The following RGL1 variants were observed in gnomAD, a reference collection of about 807,000 sequenced individuals.
RGL1 encodes ral guanine nucleotide dissociation stimulator like 1, also known as ral guanine nucleotide dissociation stimulator-like 1.
A neutral mutation model predicts 95.2 loss-of-function variants in RGL1; 24 were observed. The ratio of observed to expected loss-of-function variants is 0.25; its 90% CI spans 0.18 to 0.35. The LOEUF is 0.35. Ranked by LOEUF, RGL1 falls within the 10% of genes least tolerant of loss-of-function variation. The probability of loss-of-function intolerance (pLI) is 1.00; values close to 1 mark genes in which losing one functional copy is unlikely to be tolerated. For missense variants in RGL1, 715 were observed against 936.3 expected (o/e 0.76, Z 3.08); for synonymous variants, 329 against 344.9 (o/e 0.95, Z 0.51).
intron 1 of RGL1, among the ~76,000 whole-genome samples, chr1:183,673,777 T>TAAAG (rs2102059751): frequency 1.3e-5 from 2 of 152,350 alleles, no homozygotes; most frequent in South Asian, 4.1e-4. Context: ...CCCTACCCTT[T>TAAAG]GGGATCATCC....
chr1:183,774,736 C>T (rs1057147623), intron 2 of RGL1, among the ~76,000 whole-genome samples: 4 of 151,706 alleles, frequency 2.6e-5, no homozygotes, highest in African/African-American at 4.8e-5. Flanking sequence ...CCACCATGCC[C>T]GGCTAATTTT....
At chr1:183,813,188 G>A (rs540605251) in intron 2 of RGL1, among the ~76,000 whole-genome samples, 12 of 152,322 alleles carry the variant, frequency 7.9e-5, no homozygotes, top group African/African-American at 2.4e-4. Flanking sequence ...GTGGGGATGA[G>A]TGTAGGCGGG....
intron 1 of RGL1, among the ~76,000 whole-genome samples, chr1:183,692,199 C>T (rs1045946939): frequency 6.6e-6 from 1 of 152,170 alleles, no homozygotes; most frequent in Non-Finnish European, 1.5e-5. Flanking sequence ...GTAGTATCTT[C>T]AGAACTTGCC....
intron 1 of RGL1, among the ~76,000 whole-genome samples, chr1:183,667,117 C>T (rs1425241456): frequency 6.6e-6 from 1 of 152,174 alleles, no homozygotes; most frequent in Non-Finnish European, 1.5e-5. Flanking sequence ...TTCTTGACAA[C>T]TGTCTTTGCT....
intron 3 of RGL1, among the ~76,000 whole-genome samples, chr1:183,859,940 C>T (rs888541823): frequency 6.6e-6 from 1 of 152,214 alleles, no homozygotes; most frequent in East Asian, 1.9e-4. Flanking sequence ...ATTAAAACCA[C>T]ACTTCTTGCT....
At chr1:183,806,534 G>A (rs1390651324) in intron 2 of RGL1, 49 bp downstream of exon 2, 11 of 1,272,896 alleles carry the variant, frequency 8.6e-6, no homozygotes, top group Non-Finnish European at 1.3e-5. Context: ...AGTGTCTGTC[G>A]TTCTGTGAAT....
intron 1 of RGL1, among the ~76,000 whole-genome samples, chr1:183,641,988 G>C (rs145161658): frequency 6.6e-6 from 1 of 152,108 alleles, no homozygotes; most frequent in Non-Finnish European, 1.5e-5. Flanking sequence ...GACCATGGAC[G>C]TTTTTCTTTT....
At chr1:183,696,973 T>G (rs1046910801) in intron 1 of RGL1, among the ~76,000 whole-genome samples, 1 of 152,202 alleles carries the variant, frequency 6.6e-6, no homozygotes. Flanking sequence ...TTGTTGGACC[T>G]CTACAGTCTA....
chr1:183,668,003 A>G (rs558570916), intron 1 of RGL1, among the ~76,000 whole-genome samples: 18 of 135,252 alleles, frequency 1.3e-4, no homozygotes, highest in African/African-American at 2.4e-4. Context: ...GCTTATATAT[A>G]TGTGTGTGTG....
chr1:183,896,941 A>G (rs1186733168), intron 9 of RGL1, among the ~76,000 whole-genome samples: 2 of 152,218 alleles, frequency 1.3e-5, no homozygotes, highest in Non-Finnish European at 2.9e-5. Context: ...TTCGACTTTT[A>G]TGGATTGGTC....
At chr1:183,774,209 T>G (rs980677789) in intron 2 of RGL1, among the ~76,000 whole-genome samples, 6 of 152,198 alleles carry the variant, frequency 3.9e-5, no homozygotes, top group African/African-American at 1.4e-4. Context: ...GTGCAGAGGC[T>G]TCACTGTCCC....
At position 183,805,277 on chromosome 1, in the gene RGL1, G is replaced by T. The variant is rs762860853; in HGVS notation, c.-21G>T. The T allele has an allele frequency of 6.2e-7, 1 of 1,611,008 alleles. No homozygotes were observed. Among genetic ancestry groups the T allele is most frequent in the Admixed American group, 1.7e-5 (1 of 59,840 alleles). The stretch of plus-strand genomic sequence containing the variant: ...GCAGGGCGCATCATGCAGCGTTCGC[G>T]CACCGGAGAGAAAACTGAGAATGAA... On this transcript the variant is annotated 5_prime_UTR_variant, in exon 1 of 18. Transcript: ENST00000360851.
Position 183,724,323 on chromosome 1 carries a change from C to G in RGL1, c.-32-17803C>G, listed in dbSNP as rs1185655217. 6.6e-6 allele frequency among the ~76,000 whole-genome samples: 1 copy of G among 152,138 alleles called. No individual in the cohort carries two copies. The highest frequency in any genetic ancestry group is 1.9e-4 in the East Asian group (1 of 5,190). On this transcript the variant is annotated intron_variant, in intron 1 of 18. Transcript: ENST00000304685. This position sits in a 1 kb window ranked among gnomAD's most constrained non-coding sequence, Gnocchi z 4.1. ...AGACTTCATCTTGCAGCTTAGGTAC[C>G]AGCTCAGCCACAGCAGGGTAGAGCA...
In RGL1 at chr1:183,870,722, C is replaced by T. The variant is rs76838622; in HGVS notation, c.425+4649C>T. 6.9e-3 allele frequency among the ~76,000 whole-genome samples: 1,056 copies of T among 152,322 alleles called. 11 individuals are homozygous for T. Among genetic ancestry groups the T allele is most frequent in the Non-Finnish European group, 8.7e-3 (595 of 68,028 alleles). ...AAATGTCAATAGTGCCTAAGAAGCC[C>T]TGCTATGTAGTATTGAGGCTCTAGT... On this transcript the variant is annotated intron_variant, in intron 4 of 17. Coordinates refer to ENST00000360851, the MANE Select transcript of RGL1 (RefSeq NM_001297671.3).
chr1:183,681,996 G>A (rs888348333), intron 1 of RGL1, among the ~76,000 whole-genome samples: 5 of 152,160 alleles, frequency 3.3e-5, no homozygotes, highest in Non-Finnish European at 7.3e-5. Flanking sequence ...TTGTATTTCT[G>A]TGAGATCAGT....
intron 2 of RGL1, among the ~76,000 whole-genome samples, chr1:183,824,708 C>T (rs2102468096): frequency 6.6e-6 from 1 of 152,274 alleles, no homozygotes; most frequent in African/African-American, 2.4e-5. Flanking sequence ...AATTATGGGA[C>T]CTGCTTTCTA....
At chr1:183,857,685 A>C (rs1410766029) in intron 3 of RGL1, among the ~76,000 whole-genome samples, 1 of 152,214 alleles carries the variant, frequency 6.6e-6, no homozygotes, top group Non-Finnish European at 1.5e-5. Context: ...AGAAAAATTT[A>C]ATCTGGTGCT....
intron 8 of RGL1, among the ~76,000 whole-genome samples, chr1:183,891,663 A>G (rs1667421642): frequency 6.6e-6 from 1 of 151,136 alleles, no homozygotes; most frequent in Non-Finnish European, 1.5e-5. Flanking sequence ...TGGTTCTGGC[A>G]TCGTCATCTC....
At chr1:183,750,446 A>G (rs1657920519) in intron 2 of RGL1, among the ~76,000 whole-genome samples, 1 of 152,182 alleles carries the variant, frequency 6.6e-6, no homozygotes, top group Non-Finnish European at 1.5e-5. Flanking sequence ...TGGTTATTCT[A>G]GTTAGCAGTT....
Sources: gnomAD v4.1 joint callset for allele counts (sites outside exome capture counted in the v4.1 genomes callset) on GRCh38, gnomAD v4.1.1 for gene constraint, Gnocchi (gnomAD v3.1) non-coding constraint, MANE v1.5 for transcripts, NCBI Gene and HGNC (gene_info 2026-07-23, HGNC 2026-07-21) for gene names.